The following MTHFD1L variants were observed in gnomAD, a reference collection of about 807,000 sequenced individuals.
MTHFD1L encodes monofunctional C1-tetrahydrofolate synthase, mitochondrial.
Under a neutral mutation model 119.5 loss-of-function variants are expected in MTHFD1L, and 81 were observed. The observed-to-expected ratio is 0.68, with a 90% confidence interval of 0.57 to 0.82. The LOEUF is 0.82. MTHFD1L is among the 40% of genes least tolerant of loss of function. The pLI, the probability that MTHFD1L is intolerant of heterozygous loss-of-function variation, is 0.00. For missense variants in MTHFD1L, 1,125 were observed against 1,253.4 expected, an observed-to-expected ratio of 0.90 and a Z score of 1.55; for synonymous variants, 430 against 475.2, an observed-to-expected ratio of 0.90 and a Z score of 1.24.
At position 150,980,385 on chromosome 6, in the gene MTHFD1L, C is replaced by T. The variant is rs556441520; in HGVS notation, c.2125+8327C>T. Reference sequence around the variant, plus strand: ...CTTGTCCTACCTCCCCTTTCTCTTTCCACGCTTTTGTGTAAAGTAGCCCTC... The same window carrying T: ...CTTGTCCTACCTCCCCTTTCTCTTTTCACGCTTTTGTGTAAAGTAGCCCTC... On this transcript the variant is annotated intron_variant, in intron 20 of 27. Coordinates refer to ENST00000367321, the MANE Select transcript of MTHFD1L (RefSeq NM_015440.5). 7.9e-5 allele frequency among the ~76,000 whole-genome samples: 12 copies of T among 152,290 alleles called. No individual in the cohort carries two copies. The South Asian group carries it at 2.3e-3, about 29-fold the overall frequency.
intron 26 of MTHFD1L, among the ~76,000 whole-genome samples, chr6:151,073,554 AAGT>A (rs2128621789): frequency 6.6e-6 from 1 of 152,318 alleles, no homozygotes; most frequent in East Asian, 1.9e-4. Context: ...ACGGACATTA[AAGT>A]AGTTGTTGTG....
chr6:150,870,628 T>A (rs892932758), intron 1 of MTHFD1L, among the ~76,000 whole-genome samples: 1 of 152,052 alleles, frequency 6.6e-6, no homozygotes, highest in Admixed American at 6.6e-5. Flanking sequence ...AACCCATATA[T>A]AAGGCCGGGC....
At chr6:151,010,040 C>T (rs1782004224) in intron 21 of MTHFD1L, 82 bp downstream of exon 21, 1 of 1,440,608 alleles carries the variant, frequency 6.9e-7, no homozygotes, top group Non-Finnish European at 9.2e-7. Context: ...AATTCCTGCC[C>T]ATTTAATGAC....
rs796634248 is a variant in MTHFD1L at position 151,039,891 on chromosome 6, G to T, written c.2847+2774G>T. On this transcript the variant is annotated intron_variant, in intron 26 of 27. Coordinates refer to ENST00000367321, the MANE Select transcript of MTHFD1L (RefSeq NM_015440.5). This position sits in a 1 kb window ranked among gnomAD's most constrained non-coding sequence, Gnocchi z 4.4. ...GATTGCGCCATTGCACTTCAGCCTG[G>T]GTGACAGAGCAAGACTTCATCTCTA... 6.6e-6 allele frequency among the ~76,000 whole-genome samples: 1 copy of T among 151,818 alleles called. No homozygotes were observed. Among genetic ancestry groups the T allele is most frequent in the Non-Finnish European group, 1.5e-5 (1 of 68,014 alleles).
chr6:150,896,494 C>T (rs998883503), intron 7 of MTHFD1L, among the ~76,000 whole-genome samples: 3 of 152,158 alleles, frequency 2.0e-5, no homozygotes, highest in Non-Finnish European at 2.9e-5. Flanking sequence ...AAGCACTGGA[C>T]CCTCCTGGGC....
chr6:150,973,004 CAA>C (rs1480939436), intron 20 of MTHFD1L, among the ~76,000 whole-genome samples: 1 of 152,164 alleles, frequency 6.6e-6, no homozygotes, highest in Non-Finnish European at 1.5e-5. Flanking sequence ...AGCAAGGAAA[CAA>C]AAGACAAAAC....
chr6:151,049,469 G>A (rs1329370924), intron 26 of MTHFD1L, among the ~76,000 whole-genome samples: 1 of 149,604 alleles, frequency 6.7e-6, no homozygotes, highest in Non-Finnish European at 1.5e-5. Context: ...TCCAGCCTGG[G>A]CAAGACAGCG....
chr6:150,925,144 G>C (rs962493516), intron 10 of MTHFD1L, among the ~76,000 whole-genome samples: 1 of 152,064 alleles, frequency 6.6e-6, no homozygotes, highest in East Asian at 1.9e-4. Context: ...TCCACTGAGG[G>C]GGTTGATCTG....
At chr6:151,073,688 T>A (rs1300414476) in intron 26 of MTHFD1L, among the ~76,000 whole-genome samples, 3 of 149,182 alleles carry the variant, frequency 2.0e-5, no homozygotes, top group African/African-American at 2.5e-5. Context: ...CCTGAAATGA[T>A]AAAAAAAAAA....
Position 150,944,334 on chromosome 6 carries a change from C to T in MTHFD1L, c.1441-152C>T, listed in dbSNP as rs182419456. The T allele has an allele frequency of 2.3e-5, 14 of 618,314 alleles. No homozygotes were observed. The African/African-American group carries it at 2.6e-4, about 11-fold the overall frequency. The allele number at this position is 618,314 out of a possible 1,614,324, so 38.3% of individuals were successfully genotyped here. ...CAATGGTGTGCACCTATAGTCCCAG[C>T]CTACTCAGTAGGCTTAGGTGAGAGG... is the stretch of plus-strand genomic sequence containing the variant. On this transcript the variant is annotated intron_variant, in intron 13 of 27. Coordinates refer to ENST00000367321, the MANE Select transcript of MTHFD1L (RefSeq NM_015440.5).
chr6:150,890,855 G>C (rs1210962690), intron 7 of MTHFD1L, among the ~76,000 whole-genome samples: 1 of 152,218 alleles, frequency 6.6e-6, no homozygotes, highest in Non-Finnish European at 1.5e-5. Context: ...ATGCCCATCA[G>C]GGTGAAAGGA....
intron 21 of MTHFD1L, 122 bp downstream of exon 21, chr6:151,010,080 CTT>C: frequency 8.0e-7 from 1 of 1,247,852 alleles, no homozygotes; most frequent in Non-Finnish European, 1.1e-6. Context: ...TTTCTTAAAA[CTT>C]TTTTTTTCCT....
intron 26 of MTHFD1L, among the ~76,000 whole-genome samples, chr6:151,075,647 C>G (rs759287084): frequency 1.3e-5 from 2 of 152,200 alleles, no homozygotes; most frequent in Non-Finnish European, 2.9e-5. Flanking sequence ...CACCCAACAA[C>G]AGCAGATTAC....
rs1291509405 is a variant in MTHFD1L at position 150,876,703 on chromosome 6, A to G, written c.312+529A>G. On this transcript the variant is annotated intron_variant, in intron 2 of 27. Transcript: ENST00000367321. ...TGAGCCACAGTTGGCCCCAGTTGCC[A>G]TCCTGCTTGGCACACTTGTGTGATG... 3.3e-5 allele frequency among the ~76,000 whole-genome samples: 5 copies of G among 152,218 alleles called. No homozygotes were observed. The East Asian group carries it at 9.6e-4, about 29-fold the overall frequency.
intron 8 of MTHFD1L, among the ~76,000 whole-genome samples, chr6:150,916,485 TTTTTTTTTTTTTTTG>T (rs1335448430): frequency 7.2e-4 from 39 of 54,266 alleles, no homozygotes; most frequent in East Asian, 3.8e-3. Context: ...TTTTTTTTTT[TTTTTTTTTTTTTTTG>T]GTATTTTTAG....
At chr6:150,866,178 G>A in intron 1 of MTHFD1L, 129 bp downstream of exon 1, 2 of 1,366,274 alleles carry the variant, frequency 1.5e-6, no homozygotes, top group Middle Eastern at 2.5e-4. Flanking sequence ...CTCATTAGGG[G>A]GGCCGGGCGG....
intron 15 of MTHFD1L, 125 bp downstream of exon 15, chr6:150,945,666 A>G: frequency 2.3e-6 from 2 of 851,732 alleles, no homozygotes; most frequent in South Asian, 1.7e-5. Flanking sequence ...TGGGTATTAA[A>G]CTCTATAGAG....
intron 27 of MTHFD1L, among the ~76,000 whole-genome samples, chr6:151,094,311 C>T (rs1319465934): frequency 1.3e-5 from 2 of 152,160 alleles, no homozygotes; most frequent in East Asian, 3.9e-4. Context: ...AGCCAGGCAC[C>T]CAGGATTCTC....
chr6:150,953,162 C>T (rs1028166564), intron 16 of MTHFD1L, among the ~76,000 whole-genome samples: 3 of 152,108 alleles, frequency 2.0e-5, no homozygotes, highest in African/African-American at 2.4e-5. Context: ...GAATCAGTAC[C>T]GTGTCTTCCA....
Sources: gnomAD v4.1 joint callset for allele counts (sites outside exome capture counted in the v4.1 genomes callset) on GRCh38, gnomAD v4.1.1 for gene constraint, Gnocchi (gnomAD v3.1) non-coding constraint, MANE v1.5 for transcripts, NCBI Gene and HGNC (gene_info 2026-07-23, HGNC 2026-07-21) for gene names.